The following DROSHA variants were observed in gnomAD, a reference collection of about 807,000 sequenced individuals.
The protein encoded by DROSHA is ribonuclease 3.
A neutral mutation model predicts 181.9 loss-of-function variants in DROSHA; 56 were observed. The ratio of observed to expected loss-of-function variants is 0.31; its 90% CI spans 0.25 to 0.38. The LOEUF (loss-of-function observed/expected upper bound fraction) is 0.38. Ranked by LOEUF, DROSHA falls within the 10% of genes least tolerant of loss-of-function variation. The probability of loss-of-function intolerance (pLI) is 1.00; values close to 1 mark genes in which losing one functional copy is unlikely to be tolerated. For synonymous variants in DROSHA, 524 were observed against 591.2 expected, an observed-to-expected ratio of 0.89 and a Z score of 1.65; for missense variants, 1,218 against 1,743.5, an observed-to-expected ratio of 0.70 and a Z score of 5.37.
intron 16 of DROSHA, among the ~76,000 whole-genome samples, chr5:31,479,927 T>C (rs1321794271): frequency 3.3e-5 from 5 of 151,784 alleles, no homozygotes; most frequent in African/African-American, 4.8e-5. Context: ...GACTGTACTG[T>C]TTTACCTTCT....
chr5:31,438,060 A>C (rs1398994145), intron 23 of DROSHA, among the ~76,000 whole-genome samples: 1 of 152,212 alleles, frequency 6.6e-6, no homozygotes, highest in Non-Finnish European at 1.5e-5. Flanking sequence ...TTTAGACTTT[A>C]ATTATATGAT....
chr5:31,464,084 C>G, intron 20 of DROSHA, 152 bp downstream of exon 20: 1 of 719,128 alleles, frequency 1.4e-6, no homozygotes, highest in African/African-American at 1.8e-5. Context: ...AAACAAAATC[C>G]AAATAATAGA....
At chr5:31,431,366 CAAAAAAAAAAA>C (rs58316191) in intron 26 of DROSHA, among the ~76,000 whole-genome samples, 199 bp downstream of exon 26, 2 of 57,650 alleles carry the variant, frequency 3.5e-5, no homozygotes, top group Non-Finnish European at 6.3e-5. Context: ...CAGTAGAATG[CAAAAAAAAAAA>C]AAAAAAAAAA....
At chr5:31,430,037 A>G (rs183134807) in intron 26 of DROSHA, among the ~76,000 whole-genome samples, 1 of 152,344 alleles carries the variant, frequency 6.6e-6, no homozygotes, top group East Asian at 1.9e-4. Flanking sequence ...GGAATAATTA[A>G]GCATTAGGCA....
At chr5:31,459,430 AAAAAAATCTCTCTC>A (rs1428340498) in intron 20 of DROSHA, among the ~76,000 whole-genome samples, 34 of 151,968 alleles carry the variant, frequency 2.2e-4, no homozygotes, top group Non-Finnish European at 4.4e-4. Context: ...AAAAAAAAAA[AAAAAAATCTCTCTC>A]AGGTCAGTTA....
At position 31,401,473 on chromosome 5, in the gene DROSHA, G is replaced by C. The variant is rs1389940639; in HGVS notation, c.4084C>G (p.Gln1362Glu). ...LKEMRWEREH[Q>E]EREPDETEDI... The stretch of plus-strand genomic sequence containing the variant: ...TCAGTCTCATCTGGCTCTCTCTCTT[G>C]ATGCTCTCTTTCCCACCTCATTTCT... The change falls in exon 36 of 36, where the codon CAA becomes GAA. Residue 1362 changes from glutamine (Q) to glutamate (E), a missense_variant. Transcript: ENST00000344624. The C allele has an allele frequency of 4.3e-6, 7 of 1,613,044 alleles. No homozygotes were observed. Among genetic ancestry groups the C allele is most frequent in the East Asian group, 2.2e-5 (1 of 44,796 alleles).
rs1741078702 is a variant in DROSHA at position 31,409,790 on chromosome 5, A to G, written c.3668-458T>C. Among the ~76,000 whole-genome samples, 1 of 152,138 alleles carries G rather than the reference A, an allele frequency of 6.6e-6. No homozygotes were observed. Among genetic ancestry groups the G allele is most frequent in the African/African-American group, 2.4e-5 (1 of 41,418 alleles). ...AAATTTAATGAACAGAAATGGGGTAATTTATAGATTCAATCTGCCCAAAAA... is the reference window on the plus strand; with the variant it reads ...AAATTTAATGAACAGAAATGGGGTAGTTTATAGATTCAATCTGCCCAAAAA... On this transcript the variant is annotated intron_variant, in intron 31 of 35. Coordinates refer to ENST00000344624, the MANE Select transcript of DROSHA (RefSeq NM_001382508.1). This position sits in a 1 kb window ranked among gnomAD's most constrained non-coding sequence, Gnocchi z 4.0.
chr5:31,524,581 ATG>A (rs533626703), intron 5 of DROSHA, among the ~76,000 whole-genome samples: 47 of 152,336 alleles, frequency 3.1e-4, no homozygotes, highest in African/African-American at 1.1e-3. Context: ...CACAATTGAT[ATG>A]TGTCTTTTAT....
intron 13 of DROSHA, among the ~76,000 whole-genome samples, chr5:31,492,288 T>C (rs1223790975): frequency 6.6e-6 from 1 of 152,210 alleles, no homozygotes; most frequent in Non-Finnish European, 1.5e-5. Flanking sequence ...ATCACTGCTA[T>C]GGAATCATAT....
chr5:31,492,732 A>T (rs75072832), intron 13 of DROSHA, among the ~76,000 whole-genome samples: 1 of 152,228 alleles, frequency 6.6e-6, no homozygotes, highest in Non-Finnish European at 1.5e-5. Context: ...TAAAAATATC[A>T]TGAATCCATA....
intron 30 of DROSHA, among the ~76,000 whole-genome samples, chr5:31,415,675 G>A (rs139071497): frequency 6.6e-6 from 1 of 152,294 alleles, no homozygotes; most frequent in Non-Finnish European, 1.5e-5. Context: ...TATAGTGCAT[G>A]CCACCATTGG....
At chr5:31,474,769 C>T (rs950952850) in intron 16 of DROSHA, among the ~76,000 whole-genome samples, 2 of 152,126 alleles carry the variant, frequency 1.3e-5, no homozygotes, top group East Asian at 1.9e-4. Context: ...AGTGCCCTTA[C>T]AAGAAACATG....
At chr5:31,510,614 C>G (rs1269914782) in intron 9 of DROSHA, among the ~76,000 whole-genome samples, 1 of 152,236 alleles carries the variant, frequency 6.6e-6, no homozygotes, top group South Asian at 2.1e-4. Flanking sequence ...AAACTGTCTA[C>G]ACAAGTGGAG....
chr5:31,508,606 C>A lies in DROSHA; in HGVS notation c.1587+15G>T. The A allele has an allele frequency of 1.2e-6, 2 of 1,613,874 alleles. No homozygotes were observed. The highest frequency in any genetic ancestry group is 1.7e-6 in the Non-Finnish European group (2 of 1,179,826). On this transcript the variant is annotated intron_variant, in intron 10 of 35. Coordinates refer to ENST00000344624, the MANE Select transcript of DROSHA (RefSeq NM_001382508.1). ...GGGTTTGCAACCTTCACAGCAAGGGCATAAAAACACGCACCTGGCCTGGAT... is the reference window on the plus strand; with the variant it reads ...GGGTTTGCAACCTTCACAGCAAGGGAATAAAAACACGCACCTGGCCTGGAT...
rs574475762 is a variant in DROSHA, at chr5:31,469,289, G to A, written c.2242-1226C>T. On this transcript the variant is annotated intron_variant, in intron 17 of 35. Transcript: ENST00000344624. ...GGAGAATCACTTGAACCCGGGAGGC[G>A]GAGGTTGTAGTGAGCTGAGATCGCA... Among the ~76,000 whole-genome samples the A allele has an allele frequency of 2.0e-4, 30 of 152,092 alleles. No homozygotes were observed. The East Asian group carries it at 2.7e-3, about 14-fold the overall frequency.
chr5:31,487,711 T>C (rs966238285), intron 13 of DROSHA, among the ~76,000 whole-genome samples: 1 of 152,248 alleles, frequency 6.6e-6, no homozygotes, highest in African/African-American at 2.4e-5. Flanking sequence ...TGCCATCTAC[T>C]GGAAATCCTT....
intron 24 of DROSHA, 89 bp downstream of exon 24, chr5:31,437,150 G>C (rs892194881): frequency 5.2e-6 from 7 of 1,348,236 alleles, no homozygotes; most frequent in Non-Finnish European, 7.2e-6. Context: ...TGCCTTATTT[G>C]GCTAATTACA....
chr5:31,524,642 C>T (rs958608772), intron 5 of DROSHA, among the ~76,000 whole-genome samples: 6 of 152,310 alleles, frequency 3.9e-5, no homozygotes, highest in Middle Eastern at 3.4e-3. Context: ...AACAGACTCA[C>T]ACCCTCCTTC....
At chr5:31,483,145 G>GA (rs1273003920) in intron 16 of DROSHA, among the ~76,000 whole-genome samples, 1 of 151,596 alleles carries the variant, frequency 6.6e-6, no homozygotes, top group Non-Finnish European at 1.5e-5. Flanking sequence ...CAAAAGATAA[G>GA]AAAAAATCAC....
Sources: allele counts gnomAD v4.1 joint callset (sites outside exome capture counted in the v4.1 genomes callset), GRCh38; gene constraint gnomAD v4.1.1; non-coding constraint Gnocchi (gnomAD v3.1); transcripts MANE v1.5; gene names NCBI Gene and HGNC (gene_info 2026-07-23, HGNC 2026-07-21).